Variants in LILRA2 observed in about 807,000 individuals in gnomAD.
LILRA2 encodes the protein leukocyte immunoglobulin-like receptor subfamily A member 2.
A neutral mutation model predicts 47.9 loss-of-function variants in LILRA2; 45 were observed. The ratio of observed to expected loss-of-function variants is 0.94; its 90% confidence interval spans 0.74 to 1.20. The LOEUF (loss-of-function observed/expected upper bound fraction) is 1.20, where lower values mean the gene tolerates loss of function less well. Among genes scored for constraint, LILRA2 ranks in the 50% most tolerant of loss-of-function variants. The pLI is 0.00. For synonymous variants in LILRA2, 279 were observed against 249.2 expected, an observed-to-expected ratio of 1.12 and a Z score of -1.13; for missense variants, 651 against 598.2, an observed-to-expected ratio of 1.09 and a Z score of -0.92.
At chr19:54,581,878 C>T (rs1208410487) in intron 6 of LILRA2, among the ~76,000 whole-genome samples, 1 of 152,030 alleles carries the variant, frequency 6.6e-6, no homozygotes, top group African/African-American at 2.4e-5. Context: ...GGGAATACTT[C>T]TTTGCCCATT....
Position 54,577,995 on chromosome 19 carries a change from A to G in LILRA2, c.1255+1886A>G, listed in dbSNP as rs946594044. Among the ~76,000 whole-genome samples the G allele has an allele frequency of 1.5e-3, 221 of 151,508 alleles. No individual in the cohort carries two copies. In the South Asian group the frequency reaches 0.031, roughly 21 times the overall value. ...CTTCCTCCTTCACACATTAAAAATGAAGATTTTCTTAATGAATTTAAGACA... is the reference window on the plus strand; with the variant it reads ...CTTCCTCCTTCACACATTAAAAATGGAGATTTTCTTAATGAATTTAAGACA... On this transcript the variant is annotated intron_variant, in intron 6 of 7. Transcript: ENST00000391738.
In LILRA2 at chr19:54,574,077, G is replaced by A. The variant is rs756782675; in HGVS notation, c.36G>A (p.Gly12=). The change falls in exon 2 of 8, where the codon GGG becomes GGA. Residue 12 remains glycine (G), a splice_region_variant and synonymous_variant. Transcript: ENST00000391738. ...TPILTVLICL[G]LSLGPRTHVQ... Reference sequence around the variant, plus strand: ...CCCTCACAGGGAACTCTCTTCCAGGGCTGAGTCTGGGCCCCAGGACCCACG... The same window carrying A: ...CCCTCACAGGGAACTCTCTTCCAGGACTGAGTCTGGGCCCCAGGACCCACG... The A allele has an allele frequency of 4.5e-5, 72 of 1,614,108 alleles. No individual in the cohort carries two copies. Among genetic ancestry groups the A allele is most frequent in the Non-Finnish European group, 6.0e-5 (71 of 1,180,046 alleles).
intron 6 of LILRA2, among the ~76,000 whole-genome samples, chr19:54,580,221 T>G (rs1407378723): frequency 7.4e-6 from 1 of 135,330 alleles, no homozygotes; most frequent in Non-Finnish European, 1.6e-5. Context: ...TTTATTATAC[T>G]CTAAGTTTTA....
upstream of LILRA2, chr19:54,573,691 ACCTCAG>A (rs1240834062): frequency 8.5e-7 from 1 of 1,172,394 alleles, no homozygotes; most frequent in Non-Finnish European, 1.2e-6. Context: ...GCCTGCCCCC[ACCTCAG>A]CCCTAAAGGT....
chr19:54,575,928 G>T lies in LILRA2; in HGVS notation c.1074G>T (p.Glu358Asp), dbSNP rs373320838. ...GQFHTFLLTKEGAGHPPLHLR... is the reference protein window; with the variant it reads ...GQFHTFLLTKDGAGHPPLHLR... ...TCCACACTTTCCTTCTGACCAAGGA[G>T]GGGGCAGGCCATCCCCCACTGCATC... Residue 358 changes from glutamate to aspartate, a missense_variant, in exon 6 of 8, where the codon GAG (glutamate) becomes GAT (aspartate). By Grantham distance (45) the Glu-to-Asp change is conservative. Transcript: ENST00000391738. 235 of 1,613,900 alleles carry T rather than the reference G, an allele frequency of 1.5e-4. No homozygotes were observed. Among genetic ancestry groups the T allele is most frequent in the Non-Finnish European group, 1.9e-4 (224 of 1,179,980 alleles).
chr19:54,585,315 G>A (rs936444596), intron 6 of LILRA2, among the ~76,000 whole-genome samples: 2 of 152,206 alleles, frequency 1.3e-5, no homozygotes, highest in African/African-American at 4.8e-5. Context: ...GCTGTCTTCA[G>A]GGCTATCAGA....
chr19:54,575,134 G>A, intron 4 of LILRA2, 101 bp downstream of exon 4: 2 of 1,558,362 alleles, frequency 1.3e-6, no homozygotes, highest in Admixed American at 1.8e-5. Context: ...GTGGGATGAT[G>A]TTGGGGCGAG....
Position 54,575,967 on chromosome 19 carries a change from C to T in LILRA2, c.1113C>T (p.His371=), listed in dbSNP as rs1461906720. ...GHPPLHLRSE[H]QAQQNQAEFR... is the part of the protein sequence containing the mutation. ...CCCCACTGCATCTGAGATCAGAGCA[C>T]CAAGCTCAGCAGAACCAGGCTGAAT... is the stretch of plus-strand genomic sequence containing the variant. Residue 371 remains histidine (H), a synonymous_variant, in exon 6 of 8, where the codon CAC becomes CAT. Coordinates refer to ENST00000391738, the MANE Select transcript of LILRA2 (RefSeq NM_001130917.3). The T allele has an allele frequency of 6.2e-7, 1 of 1,613,996 alleles. No individual in the cohort carries two copies. The highest frequency in any genetic ancestry group is 2.2e-5 in the East Asian group (1 of 44,868).
At position 54,574,060 on chromosome 19, in the gene LILRA2, G is replaced by A; in HGVS notation, c.35-16G>A. On this transcript the variant is annotated splice_polypyrimidine_tract_variant and intron_variant, in intron 1 of 7. Transcript: ENST00000391738. ...GGCTTCAGGGGAAAAATCCCTCACA[G>A]GGAACTCTCTTCCAGGGCTGAGTCT... 1 of 1,614,210 alleles carries A rather than the reference G, an allele frequency of 6.2e-7. No individual in the cohort carries two copies. Among genetic ancestry groups the A allele is most frequent in the Non-Finnish European group, 8.5e-7 (1 of 1,180,032 alleles).
At chr19:54,573,259 C>T (rs1037152752), upstream of LILRA2, 3 of 455,610 alleles carry the variant, frequency 6.6e-6, no homozygotes, top group Non-Finnish European at 1.2e-5. Flanking sequence ...GCTGGGATTC[C>T]AGGCATGAGC....
In LILRA2 at chr19:54,575,485, C is replaced by T; in HGVS notation, c.885C>T (p.Cys295=). The T allele has an allele frequency of 6.2e-7, 1 of 1,613,290 alleles. No individual in the cohort carries two copies. The highest frequency in any genetic ancestry group is 8.5e-7 in the Non-Finnish European group (1 of 1,179,920). ...VSPSHGGQYR[C]YSAHNLSSEW... Reference sequence around the variant, plus strand: ...CCTCCCACGGGGGCCAGTACAGATGCTACAGTGCACACAACCTCTCCTCCG... The same window carrying T: ...CCTCCCACGGGGGCCAGTACAGATGTTACAGTGCACACAACCTCTCCTCCG... The change falls in exon 5 of 8, where the codon TGC becomes TGT. Residue 295 remains cysteine, a synonymous_variant. Coordinates refer to ENST00000391738, the MANE Select transcript of LILRA2 (RefSeq NM_001130917.3).
In LILRA2 at chr19:54,574,569, G is replaced by A; in HGVS notation, c.339G>A (p.Glu113=). Reference sequence around the variant, plus strand: ...CATCAGAGTACAGTGACCCCCTGGAGCTGGTGGTGACAGGTGAGAGGACAC... The same window carrying A: ...CATCAGAGTACAGTGACCCCCTGGAACTGGTGGTGACAGGTGAGAGGACAC... ...NHSSEYSDPL[E]LVVTGAYSKP... Residue 113 remains glutamate, a synonymous_variant, in exon 3 of 8, where the codon GAG becomes GAA. Transcript: ENST00000391738. 1 of 1,614,100 alleles carries A rather than the reference G, an allele frequency of 6.2e-7. No individual in the cohort carries two copies. The highest frequency in any genetic ancestry group is 2.2e-5 in the East Asian group (1 of 44,884).
chr19:54,586,210 A>G (rs1275631552), intron 6 of LILRA2, among the ~76,000 whole-genome samples: 1 of 151,484 alleles, frequency 6.6e-6, no homozygotes, highest in Non-Finnish European at 1.5e-5. Context: ...GTGGAGGTAT[A>G]TCTAAACACA....
intron 6 of LILRA2, among the ~76,000 whole-genome samples, chr19:54,581,417 A>G (rs887766102): frequency 2.0e-5 from 2 of 101,176 alleles, no homozygotes; most frequent in Non-Finnish European, 3.8e-5. Context: ...AGCTTTCTAC[A>G]TATGGCTAGC....
Position 54,586,945 on chromosome 19 carries a change from A to G in LILRA2, c.1256-65A>G, listed in dbSNP as rs1483946581. The G allele has an allele frequency of 5.8e-6, 7 of 1,200,636 alleles. No individual in the cohort carries two copies. In the African/African-American group the frequency reaches 9.2e-5, roughly 16 times the overall value. The allele number at this position is 1,200,636 out of a possible 1,614,324, so 74.4% of individuals were successfully genotyped here. On this transcript the variant is annotated intron_variant, in intron 6 of 7. Transcript: ENST00000391738. Reference sequence around the variant, plus strand: ...CTCATGTCAAGAGACACAGGGGAAAAGAAGAATGCAGAGCCCAGGAGTGAG... The same window carrying G: ...CTCATGTCAAGAGACACAGGGGAAAGGAAGAATGCAGAGCCCAGGAGTGAG...
At chr19:54,578,206 T>C (rs972646167) in intron 6 of LILRA2, among the ~76,000 whole-genome samples, 2 of 152,070 alleles carry the variant, frequency 1.3e-5, no homozygotes, top group Non-Finnish European at 2.9e-5. Context: ...GGTATACAGG[T>C]GCCATGTTGG....
rs2062888815 is a variant in LILRA2, at chr19:54,589,411, G to A, written c.*2065G>A. 1 of 152,164 alleles carries A rather than the reference G, an allele frequency of 6.6e-6. No homozygotes were observed. The highest frequency in any genetic ancestry group is 2.1e-4 in the South Asian group (1 of 4,818). The allele number at this position is 152,164 out of a possible 1,614,324, so 9.4% of individuals were successfully genotyped here. ...CCAGCTACTCAGGAGGCTGAGACAG[G>A]AGAATCGCGTCAACCCAGGAAACAG... is the stretch of plus-strand genomic sequence containing the variant. On this transcript the variant is annotated 3_prime_UTR_variant, in exon 8 of 8. Coordinates refer to ENST00000391738, the MANE Select transcript of LILRA2 (RefSeq NM_001130917.3).
In LILRA2 at chr19:54,574,355, G is replaced by A; in HGVS notation, c.125G>A (p.Gly42Glu). Residue 42 changes from glycine to glutamate, a missense_variant, in exon 3 of 8, where the codon GGA (glycine) becomes GAA (glutamate). Transcript: ENST00000391738. ...WAEPGSVIIQGSPVTLRCQGS... is the reference protein window; with the variant it reads ...WAEPGSVIIQESPVTLRCQGS... The stretch of plus-strand genomic sequence containing the variant: ...GAGCCAGGCTCTGTGATCATCCAGG[G>A]AAGTCCTGTGACCCTCAGGTGTCAG... 1.9e-6 allele frequency: 3 copies of A among 1,614,248 alleles called. No individual in the cohort carries two copies. The highest frequency in any genetic ancestry group is 1.1e-5 in the South Asian group (1 of 91,088).
intron 6 of LILRA2, 32 bp from the exon 7 acceptor site, chr19:54,586,978 T>G (rs1290657873): frequency 6.3e-7 from 1 of 1,575,180 alleles, no homozygotes; most frequent in African/African-American, 1.3e-5. Flanking sequence ...GAGGCTGGGC[T>G]CAGGGCTCTT....
Sources: gnomAD v4.1 joint callset for allele counts (sites outside exome capture counted in the v4.1 genomes callset) on GRCh38, gnomAD v4.1.1 for gene constraint, MANE v1.5 for transcripts, NCBI Gene and HGNC (gene_info 2026-07-23, HGNC 2026-07-21) for gene names.